The following BUB3 variants were observed in gnomAD, a reference collection of about 807,000 sequenced individuals.
BUB3 encodes mitotic checkpoint protein BUB3.
BUB3 carries 22 observed loss-of-function variants against 39.9 expected under a neutral mutation model. The ratio of observed to expected loss-of-function variants is 0.55; its 90% CI spans 0.39 to 0.79. The LOEUF is 0.79. BUB3 is among the 30% of genes least tolerant of loss of function. The pLI, the probability that BUB3 is intolerant of heterozygous loss-of-function variation, is 0.00. For missense variants in BUB3, 303 were observed against 415.4 expected, an observed-to-expected ratio of 0.73 and a Z score of 2.35; for synonymous variants, 168 against 155.1, an observed-to-expected ratio of 1.08 and a Z score of -0.62.
intron 4 of BUB3, among the ~76,000 whole-genome samples, chr10:123,159,652 T>G (rs1844395116): frequency 6.6e-6 from 1 of 152,248 alleles, no homozygotes; most frequent in South Asian, 2.1e-4. Context: ...GTGGAAAGTT[T>G]AATATTGAAG....
Position 123,155,089 on chromosome 10 carries a change from G to A in BUB3, c.172G>A (p.Ala58Thr). Reference sequence around the variant, plus strand: ...GCGGCTCAAGTACCAGCACACCGGCGCCGTCCTGGACTGCGCCTTCTACGT... The same window carrying A: ...GCGGCTCAAGTACCAGCACACCGGCACCGTCCTGGACTGCGCCTTCTACGT... Reference protein sequence around the residue: ...SMRLKYQHTGAVLDCAFYDPT... With the variant: ...SMRLKYQHTGTVLDCAFYDPT... The change falls in exon 2 of 8, where the codon GCC (alanine) becomes ACC (threonine). Residue 58 changes from alanine to threonine, a missense_variant. By Grantham distance (58) the Ala-to-Thr change is moderately conservative. Coordinates refer to ENST00000368865, the MANE Select transcript of BUB3 (RefSeq NM_004725.4). 6.2e-7 allele frequency: 1 copy of A among 1,613,980 alleles called. No homozygotes were observed. The highest frequency in any genetic ancestry group is 8.5e-7 in the Non-Finnish European group (1 of 1,180,010).
rs1286240484 is a variant in BUB3 at position 123,160,576 on chromosome 10, A to G, written c.576+11A>G. On this transcript the variant is annotated intron_variant, in intron 5 of 7. Transcript: ENST00000368865. ...TTTCCAAACAAGCAGGTATTGAACTATACCTCCTCTTCTTTCTGGAATTTG... is the reference window on the plus strand; with the variant it reads ...TTTCCAAACAAGCAGGTATTGAACTGTACCTCCTCTTCTTTCTGGAATTTG... 5 of 1,547,234 alleles carry G rather than the reference A, an allele frequency of 3.2e-6. No homozygotes were observed. The highest frequency in any genetic ancestry group is 2.3e-5 in the East Asian group (1 of 43,052).
rs1334722997 is a variant in BUB3 at position 123,167,754 on chromosome 10, T to TA, written c.*3920dup. ...GAAACATACTATCACAATCCTATGATATAACTTAAAAATTTCTTTATAGCT... is the reference window on the plus strand; with the variant it reads ...GAAACATACTATCACAATCCTATGATAATAACTTAAAAATTTCTTTATAGCT... On this transcript the variant is annotated 3_prime_UTR_variant, in exon 8 of 8. Transcript: ENST00000368865. The TA allele has an allele frequency of 6.6e-6, 1 of 152,224 alleles. No individual in the cohort carries two copies. The highest frequency in any genetic ancestry group is 6.5e-5 in the Admixed American group (1 of 15,286). 9.4% of individuals were successfully genotyped at this position (152,224 alleles called of 1,614,324 possible).
intron 2 of BUB3, among the ~76,000 whole-genome samples, chr10:123,155,396 G>A (rs552522877): frequency 2.0e-5 from 3 of 152,258 alleles, no homozygotes; most frequent in East Asian, 1.9e-4. Flanking sequence ...TTTGGCTGCC[G>A]TATTGAAAGG....
chr10:123,155,209 C>T, intron 2 of BUB3, 97 bp downstream of exon 2: 1 of 1,350,338 alleles, frequency 7.4e-7, no homozygotes, highest in Non-Finnish European at 9.9e-7. Context: ...AGGCGTCTGT[C>T]GGTGGGGTTA....
chr10:123,170,435 A>G lies in BUB3; in HGVS notation c.*6600A>G, dbSNP rs1844534687. 1 of 152,212 alleles carries G rather than the reference A, an allele frequency of 6.6e-6. No homozygotes were observed. The highest frequency in any genetic ancestry group is 2.1e-4 in the South Asian group (1 of 4,830). 9.4% of individuals were successfully genotyped at this position (152,212 alleles called of 1,614,324 possible). On this transcript the variant is annotated 3_prime_UTR_variant, in exon 8 of 8. Coordinates refer to ENST00000368865, the MANE Select transcript of BUB3 (RefSeq NM_004725.4). ...AAAGTTCAATGTTTTTCTGTATTTT[A>G]TCTCTTCATTTTAAAATAAAGTTTT...
chr10:123,157,412 A>G (rs1301655628), intron 3 of BUB3, among the ~76,000 whole-genome samples: 1 of 152,234 alleles, frequency 6.6e-6, no homozygotes, highest in Non-Finnish European at 1.5e-5. Flanking sequence ...GCAGTTCCTG[A>G]TAGGAAATCT....
At chr10:123,155,227 A>C in intron 2 of BUB3, 115 bp downstream of exon 2, 1 of 1,209,118 alleles carries the variant, frequency 8.3e-7, no homozygotes, top group Non-Finnish European at 1.1e-6. Context: ...TTATTTGGAC[A>C]GTTCTTTAGC....
In BUB3 at chr10:123,169,510, C is replaced by CTG. The variant is rs1470521122; in HGVS notation, c.*5676_*5677dup. ...ACCTTTGGTCTTCACAGCCACTGCC[C>CTG]TGGTAGTAAGGGACTTAGTTAAGTT... On this transcript the variant is annotated 3_prime_UTR_variant, in exon 8 of 8. Coordinates refer to ENST00000368865, the MANE Select transcript of BUB3 (RefSeq NM_004725.4). 1 of 152,208 alleles carries CTG rather than the reference C, an allele frequency of 6.6e-6. No individual in the cohort carries two copies. The highest frequency in any genetic ancestry group is 1.5e-5 in the Non-Finnish European group (1 of 68,038). The allele number at this position is 152,208 out of a possible 1,614,324, so 9.4% of individuals were successfully genotyped here. A position where few individuals can be genotyped will look rare whatever the true frequency, so the allele number is the denominator to read the frequency against.
In BUB3 at chr10:123,155,102, G is replaced by T. The variant is rs760140863; in HGVS notation, c.185G>T (p.Cys62Phe). Residue 62 changes from cysteine (C) to phenylalanine (F), a missense_variant, in exon 2 of 8, where the codon TGC becomes TTC. Cys to Phe is a radical substitution (Grantham distance 205). Transcript: ENST00000368865. ...KYQHTGAVLD[C>F]AFYDPTHAWS... ...CAGCACACCGGCGCCGTCCTGGACT[G>T]CGCCTTCTACGTAGGTGCCCTCCCG... The T allele has an allele frequency of 1.2e-5, 19 of 1,613,582 alleles. No homozygotes were observed. Among genetic ancestry groups the T allele is most frequent in the Non-Finnish European group, 8.5e-7 (1 of 1,179,884 alleles).
chr10:123,160,239 G>C (rs1844402853), intron 4 of BUB3, among the ~76,000 whole-genome samples, 168 bp from the exon 5 acceptor site: 1 of 152,180 alleles, frequency 6.6e-6, no homozygotes, highest in Non-Finnish European at 1.5e-5. Context: ...TATTTTATGT[G>C]AATTACTTGG....
At chr10:123,157,605 G>T in intron 3 of BUB3, 124 bp from the exon 4 acceptor site, 1 of 1,104,806 alleles carries the variant, frequency 9.1e-7, no homozygotes, top group Non-Finnish European at 1.3e-6. Context: ...CATTTCCATG[G>T]GGTTGGATGA....
intron 4 of BUB3, among the ~76,000 whole-genome samples, chr10:123,160,073 T>C (rs1216311859): frequency 1.3e-5 from 2 of 152,186 alleles, no homozygotes; most frequent in Non-Finnish European, 2.9e-5. Flanking sequence ...TTTTACACTT[T>C]TATGTTGTCT....
rs1193884201 is a variant in BUB3, at chr10:123,169,237, A to G, written c.*5402A>G. On this transcript the variant is annotated 3_prime_UTR_variant, in exon 8 of 8. Transcript: ENST00000368865. ...CCTGAGCAAGTGAGGGCCAGTTAGTATACATAATTTTTACAAAATTTGGAT... is the reference window on the plus strand; with the variant it reads ...CCTGAGCAAGTGAGGGCCAGTTAGTGTACATAATTTTTACAAAATTTGGAT... 6.6e-6 allele frequency: 1 copy of G among 152,242 alleles called. No individual in the cohort carries two copies. Among genetic ancestry groups the G allele is most frequent in the African/African-American group, 2.4e-5 (1 of 41,460 alleles). The allele number at this position is 152,242 out of a possible 1,614,324, so 9.4% of individuals were successfully genotyped here.
intron 5 of BUB3, among the ~76,000 whole-genome samples, chr10:123,162,015 G>A (rs1451569634): frequency 6.6e-6 from 1 of 152,198 alleles, no homozygotes; most frequent in Non-Finnish European, 1.5e-5. Context: ...TTATTGTAAT[G>A]TGCAAGGCCC....
In BUB3 at chr10:123,162,820, A is replaced by G. The variant is rs1293442005; in HGVS notation, c.963A>G (p.Thr321=). The G allele has an allele frequency of 3.1e-6, 5 of 1,612,140 alleles. No individual in the cohort carries two copies. The highest frequency in any genetic ancestry group is 2.2e-5 in the South Asian group (2 of 90,674). ...IFIRQVTDAE[T]KPKSPCT ...TTCGCCAAGTGACAGATGCAGAAACAAAACCCAAGTGAGTATGCTTCACCT... is the reference window on the plus strand; with the variant it reads ...TTCGCCAAGTGACAGATGCAGAAACGAAACCCAAGTGAGTATGCTTCACCT... Residue 321 remains threonine, a synonymous_variant, in exon 7 of 8, where the codon ACA becomes ACG. Transcript: ENST00000368865.
rs1325726367 is a variant in BUB3, at chr10:123,170,338, ATATT to A, written c.*6507_*6510del. The A allele has an allele frequency of 6.6e-6, 1 of 152,210 alleles. No homozygotes were observed. The highest frequency in any genetic ancestry group is 1.5e-5 in the Non-Finnish European group (1 of 68,034). 9.4% of individuals were successfully genotyped at this position (152,210 alleles called of 1,614,324 possible). A position where few individuals can be genotyped will look rare whatever the true frequency, so the allele number is the denominator to read the frequency against. ...ATGCCAGTATTTTTTTTCTGTTAAA[ATATT>A]TATGAACTATTTCAAACATTCAGAA... On this transcript the variant is annotated 3_prime_UTR_variant, in exon 8 of 8. Transcript: ENST00000368865.
chr10:123,154,710 C>A, intron 1 of BUB3: 1 of 546,146 alleles, frequency 1.8e-6, no homozygotes, highest in Non-Finnish European at 3.2e-6. Context: ...GACGGCGGTG[C>A]GGGCTGGGCC....
At chr10:123,156,899 A>T (rs1156946708) in intron 3 of BUB3, among the ~76,000 whole-genome samples, 1 of 151,996 alleles carries the variant, frequency 6.6e-6, no homozygotes, top group African/African-American at 2.4e-5. Flanking sequence ...GTGCGCCACC[A>T]TGCTCGGCTA....
Sources: allele counts gnomAD v4.1 joint callset (sites outside exome capture counted in the v4.1 genomes callset), GRCh38; gene constraint gnomAD v4.1.1; transcripts MANE v1.5; gene names NCBI Gene and HGNC (gene_info 2026-07-23, HGNC 2026-07-21).